The following ARL6IP5 variants were observed in gnomAD, a reference collection of about 807,000 sequenced individuals.
ARL6IP5 encodes the protein PRA1 family protein 3.
In ARL6IP5, 6 loss-of-function variants were observed where a neutral mutation model predicts 13.0. The ratio of observed to expected loss-of-function variants is 0.46; its 90% CI spans 0.25 to 0.91. ARL6IP5 has a LOEUF of 0.91. Among genes scored for constraint, ARL6IP5 ranks in the 40% least tolerant of loss-of-function variants. ARL6IP5 has a pLI of 0.17. For missense variants in ARL6IP5, 208 were observed against 248.8 expected (o/e 0.84, Z 1.10); for synonymous variants, 91 against 91.9 (o/e 0.99, Z 0.06).
chr3:69,089,464 C>T (rs992412746), intron 1 of ARL6IP5, among the ~76,000 whole-genome samples: 1 of 152,090 alleles, frequency 6.6e-6, no homozygotes, highest in African/African-American at 2.4e-5. Context: ...TCAACTGCAT[C>T]CCTGACTCTT....
chr3:69,085,262 C>A, intron 1 of ARL6IP5, 39 bp downstream of exon 1: 2 of 1,586,160 alleles, frequency 1.3e-6, no homozygotes, highest in Non-Finnish European at 1.7e-6. Flanking sequence ...CGATCCGGGG[C>A]GAGCACGGAG....
At chr3:69,103,113 C>T (rs1038363823) in intron 2 of ARL6IP5, among the ~76,000 whole-genome samples, 2 of 152,174 alleles carry the variant, frequency 1.3e-5, no homozygotes, top group Non-Finnish European at 2.9e-5. Flanking sequence ...GGATACATCC[C>T]ATACCCTATT....
rs2107508921 is a variant in ARL6IP5, at chr3:69,084,966, A to G, written c.-82A>G. ...AGCCGACCGAGACGGAGCCGCTGTCAACTCTCCAACTCAGCTCAGCTGATC... is the reference window on the plus strand; with the variant it reads ...AGCCGACCGAGACGGAGCCGCTGTCGACTCTCCAACTCAGCTCAGCTGATC... On this transcript the variant is annotated 5_prime_UTR_variant, in exon 1 of 3. Coordinates refer to ENST00000273258, the MANE Select transcript of ARL6IP5 (RefSeq NM_006407.4). 6.5e-7 allele frequency: 1 copy of G among 1,532,768 alleles called. No homozygotes were observed. The highest frequency in any genetic ancestry group is 8.8e-7 in the Non-Finnish European group (1 of 1,136,514). 94.9% of individuals were successfully genotyped at this position (1,532,768 alleles called of 1,614,324 possible).
At chr3:69,101,144 T>C (rs2092304119) in intron 1 of ARL6IP5, among the ~76,000 whole-genome samples, 1 of 152,096 alleles carries the variant, frequency 6.6e-6, no homozygotes, top group Admixed American at 6.6e-5. Context: ...TGAGCTTCTC[T>C]GAGGATTTAA....
At chr3:69,085,299 T>A in intron 1 of ARL6IP5, 76 bp downstream of exon 1, 1 of 1,504,846 alleles carries the variant, frequency 6.6e-7, no homozygotes, top group South Asian at 1.3e-5. Context: ...GATCCCGGGA[T>A]GTAGAGACGC....
chr3:69,098,538 C>T (rs555958854), intron 1 of ARL6IP5, among the ~76,000 whole-genome samples: 1 of 152,170 alleles, frequency 6.6e-6, no homozygotes, highest in Non-Finnish European at 1.5e-5. Flanking sequence ...AGCCACCATG[C>T]CCAGCCCAGG....
intron 1 of ARL6IP5, among the ~76,000 whole-genome samples, chr3:69,085,790 G>C (rs768278454): frequency 7.9e-5 from 12 of 152,194 alleles, no homozygotes; most frequent in Non-Finnish European, 1.6e-4. Context: ...GTGGGGTAAA[G>C]GCTGCCATGA....
At chr3:69,090,787 A>C (rs1211947679) in intron 1 of ARL6IP5, among the ~76,000 whole-genome samples, 1 of 152,124 alleles carries the variant, frequency 6.6e-6, no homozygotes, top group Non-Finnish European at 1.5e-5. Flanking sequence ...CTGCCCTTCG[A>C]TGCCCATTTA....
chr3:69,097,974 C>T (rs1327267934), intron 1 of ARL6IP5, among the ~76,000 whole-genome samples: 2 of 152,092 alleles, frequency 1.3e-5, no homozygotes, highest in African/African-American at 2.4e-5. Flanking sequence ...TGCCAAGCGG[C>T]GGTTGTGGGT....
chr3:69,085,958 C>T (rs2092246308), intron 1 of ARL6IP5, among the ~76,000 whole-genome samples: 1 of 152,208 alleles, frequency 6.6e-6, no homozygotes, highest in South Asian at 2.1e-4. Flanking sequence ...GCATGTACAC[C>T]TGCTTTCCTA....
chr3:69,097,913 ATGT>A (rs1178416059), intron 1 of ARL6IP5, among the ~76,000 whole-genome samples: 1 of 152,160 alleles, frequency 6.6e-6, no homozygotes, highest in Non-Finnish European at 1.5e-5. Context: ...AATTCCATTA[ATGT>A]TGTTGGCGAG....
intron 2 of ARL6IP5, 123 bp downstream of exon 2, chr3:69,102,179 A>G (rs2092307953): frequency 9.4e-7 from 1 of 1,059,156 alleles, no homozygotes; most frequent in Non-Finnish European, 1.4e-6. Flanking sequence ...GAATTTTCTA[A>G]AACAGCTTTC....
At chr3:69,099,990 G>C (rs889099526) in intron 1 of ARL6IP5, 1 of 152,942 alleles carries the variant, frequency 6.5e-6, no homozygotes, top group Admixed American at 6.5e-5. Flanking sequence ...GCAATGGCGT[G>C]ATCTCAGCTC....
chr3:69,094,132 A>G (rs2092279114), intron 1 of ARL6IP5, among the ~76,000 whole-genome samples: 2 of 152,122 alleles, frequency 1.3e-5, no homozygotes, highest in African/African-American at 4.8e-5. Flanking sequence ...GTAGATAGAA[A>G]CCCTGAGTGG....
At chr3:69,102,201 C>A in intron 2 of ARL6IP5, 145 bp downstream of exon 2, 3 of 788,436 alleles carry the variant, frequency 3.8e-6, no homozygotes, top group Non-Finnish European at 6.1e-6. Context: ...ACTTGTTATC[C>A]AACTAGACCC....
intron 1 of ARL6IP5, chr3:69,099,932 A>T (rs534326157): frequency 5.2e-5 from 8 of 152,732 alleles, no homozygotes; most frequent in African/African-American, 1.9e-4. Flanking sequence ...TCTTCTTCTT[A>T]TTATCATTAT....
At chr3:69,096,826 T>C (rs2092288867) in intron 1 of ARL6IP5, among the ~76,000 whole-genome samples, 1 of 151,986 alleles carries the variant, frequency 6.6e-6, no homozygotes, top group Non-Finnish European at 1.5e-5. Context: ...ATGGTCTTGA[T>C]CTCCTGACCT....
chr3:69,101,074 G>A (rs1035344950), intron 1 of ARL6IP5, among the ~76,000 whole-genome samples: 5 of 152,040 alleles, frequency 3.3e-5, no homozygotes, highest in African/African-American at 1.2e-4. Context: ...AAATGTGACT[G>A]TATACTGGAT....
intron 1 of ARL6IP5, among the ~76,000 whole-genome samples, chr3:69,099,651 C>A: frequency 6.6e-6 from 1 of 152,200 alleles, no homozygotes; most frequent in East Asian, 1.9e-4. Flanking sequence ...AGTTCTTCAT[C>A]TCTTCCATTT....
Sources: gnomAD v4.1 joint callset for allele counts (sites outside exome capture counted in the v4.1 genomes callset) on GRCh38, gnomAD v4.1.1 for gene constraint, MANE v1.5 for transcripts, NCBI Gene and HGNC (gene_info 2026-07-23, HGNC 2026-07-21) for gene names.